SUGCT: variants seen among roughly 807,000 people sequenced by gnomAD.
The protein encoded by SUGCT is succinyl-CoA:glutarate CoA-transferase.
SUGCT carries 41 observed loss-of-function variants against 55.0 expected under a neutral mutation model. That is an observed-to-expected ratio of 0.74 (90% CI 0.58 to 0.97). SUGCT has a LOEUF of 0.97. SUGCT is among the 50% of genes least tolerant of loss of function. The probability of loss-of-function intolerance (pLI) is 0.00; values close to 1 mark genes in which losing one functional copy is unlikely to be tolerated. For missense variants in SUGCT, 568 were observed against 547.8 expected (o/e 1.04, Z -0.37); for synonymous variants, 187 against 200.4 (o/e 0.93, Z 0.56).
chr7:41,033,422 C>A, the SUGCT span, among the ~76,000 whole-genome samples: 1 of 152,126 alleles, frequency 6.6e-6, no homozygotes, highest in Non-Finnish European at 1.5e-5. Flanking sequence ...CTGTCAAAAA[C>A]TACATCTGAG....
chr7:40,273,602 T>C (rs1792257290), intron 7 of SUGCT, among the ~76,000 whole-genome samples: 1 of 152,202 alleles, frequency 6.6e-6, no homozygotes, highest in African/African-American at 2.4e-5. Flanking sequence ...AAGGATTGGA[T>C]TGTCAAATCA....
At chr7:40,690,670 A>G (rs1778044668) in intron 12 of SUGCT, among the ~76,000 whole-genome samples, 1 of 151,882 alleles carries the variant, frequency 6.6e-6, no homozygotes, top group Non-Finnish European at 1.5e-5. Flanking sequence ...CTCGGCTCAG[A>G]TGATCTTCCC....
intron 9 of SUGCT, among the ~76,000 whole-genome samples, chr7:40,339,368 C>A (rs4538778): frequency 0.58 from 88,437 of 151,896 alleles, 25,886 homozygotes; most frequent in South Asian, 0.65. Context: ...GGCAGGCAGG[C>A]CTCCTTGAGC....
chr7:40,742,833 A>C (rs1468116726), intron 12 of SUGCT, among the ~76,000 whole-genome samples: 2 of 152,192 alleles, frequency 1.3e-5, no homozygotes, highest in Non-Finnish European at 2.9e-5. Context: ...CAGTTATGTA[A>C]CCTTTCAAAT....
At chr7:40,990,817 C>T in the SUGCT span, among the ~76,000 whole-genome samples, 1 of 152,186 alleles carries the variant, frequency 6.6e-6, no homozygotes, top group Admixed American at 6.5e-5. Flanking sequence ...ATTATCCAAC[C>T]TGTGCTAGCT....
At chr7:40,169,106 A>G (rs1209637072) in intron 1 of SUGCT, among the ~76,000 whole-genome samples, 1 of 152,170 alleles carries the variant, frequency 6.6e-6, no homozygotes, top group African/African-American at 2.4e-5. Context: ...ATGGAGGACT[A>G]GGTAAGCACA....
chr7:40,528,324 G>A (rs1562839260), intron 12 of SUGCT, among the ~76,000 whole-genome samples: 1 of 152,144 alleles, frequency 6.6e-6, no homozygotes, highest in Admixed American at 6.6e-5. Context: ...TGTTTAGGAT[G>A]CCCTTTGGGA....
Position 40,738,306 on chromosome 7 carries a change from A to T in SUGCT, c.1090-11128A>T, listed in dbSNP as rs77811342. Among the ~76,000 whole-genome samples the T allele has an allele frequency of 9.3e-3, 1,409 of 152,066 alleles. 17 individuals carry two copies. The highest frequency in any genetic ancestry group is 0.032 in the African/African-American group (1,324 of 41,506). ...CAATCTCAAACACAGCAAGATGGGA[A>T]TTTTTTTATAGGGGGCCAAAAATAG... On this transcript the variant is annotated intron_variant, in intron 12 of 13. Coordinates refer to ENST00000335693, the MANE Select transcript of SUGCT (RefSeq NM_001193313.2).
chr7:40,208,924 A>G (rs1181301932), intron 6 of SUGCT, among the ~76,000 whole-genome samples: 1 of 152,254 alleles, frequency 6.6e-6, no homozygotes, highest in East Asian at 1.9e-4. Flanking sequence ...TTAGTACAGT[A>G]TAGGATACAT....
chr7:40,960,497 C>A, the SUGCT span, among the ~76,000 whole-genome samples: 8 of 152,234 alleles, frequency 5.3e-5, no homozygotes, highest in African/African-American at 1.9e-4. Flanking sequence ...TGTTTGAAAC[C>A]AGACAAAATC....
chr7:40,158,855 A>C (rs1324179249), intron 1 of SUGCT, among the ~76,000 whole-genome samples: 1 of 152,252 alleles, frequency 6.6e-6, no homozygotes, highest in African/African-American at 2.4e-5. Context: ...TGATGGATAC[A>C]TTTTGCAAAA....
At chr7:40,797,428 C>G (rs2128748721) in intron 13 of SUGCT, among the ~76,000 whole-genome samples, 1 of 152,248 alleles carries the variant, frequency 6.6e-6, no homozygotes, top group Non-Finnish European at 1.5e-5. Flanking sequence ...CGTTCCTTCT[C>G]TTGTATTCAC....
intron 12 of SUGCT, among the ~76,000 whole-genome samples, chr7:40,677,593 A>G (rs767513233): frequency 3.3e-5 from 5 of 152,202 alleles, no homozygotes; most frequent in Admixed American, 6.5e-5. Flanking sequence ...CTTTTATAAG[A>G]CAGCTTCCTC....
chr7:40,328,959 C>T lies in SUGCT; in HGVS notation c.816+12104C>T, dbSNP rs73688026. Among the ~76,000 whole-genome samples, 229 of 152,296 alleles carry T rather than the reference C, an allele frequency of 1.5e-3. 1 individual carries two copies. The highest frequency in any genetic ancestry group is 5.3e-3 in the African/African-American group (221 of 41,548). ...TTGAAGGGACACGCACATTACCTCG[C>T]AGCTAAGAGTCTAGCCTGGTGGCTC... On this transcript the variant is annotated intron_variant, in intron 9 of 13. Coordinates refer to ENST00000335693, the MANE Select transcript of SUGCT (RefSeq NM_001193313.2).
intron 9 of SUGCT, among the ~76,000 whole-genome samples, chr7:40,431,141 T>G (rs1409388351): frequency 6.8e-6 from 1 of 147,394 alleles, no homozygotes; most frequent in African/African-American, 2.5e-5. Flanking sequence ...AAAAAAAAAG[T>G]TAATGGCCTG....
chr7:40,459,051 G>C (rs989307931), intron 10 of SUGCT, 50 bp from the exon 11 acceptor site: 1 of 1,229,852 alleles, frequency 8.1e-7, no homozygotes, highest in African/African-American at 1.5e-5. Flanking sequence ...CCACAGGCAG[G>C]TACAAGAACT....
At chr7:40,557,610 TAA>T in intron 12 of SUGCT, among the ~76,000 whole-genome samples, 1 of 151,822 alleles carries the variant, frequency 6.6e-6, no homozygotes, top group Non-Finnish European at 1.5e-5. Flanking sequence ...CCATTTCTAC[TAA>T]AAATACAAAA....
At chr7:40,448,450 T>G (rs918346616) in intron 9 of SUGCT, among the ~76,000 whole-genome samples, 34 of 152,162 alleles carry the variant, frequency 2.2e-4, no homozygotes, top group Admixed American at 2.0e-3. Context: ...TGGATTTCCT[T>G]TATTTTTTTG....
intron 13 of SUGCT, among the ~76,000 whole-genome samples, chr7:40,854,686 ATTC>A (rs1407806737): frequency 1.3e-5 from 2 of 151,874 alleles, no homozygotes; most frequent in Non-Finnish European, 2.9e-5. Context: ...ATGCTCCTGT[ATTC>A]TTAGCTACTT....
Sources: allele counts gnomAD v4.1 joint callset (sites outside exome capture counted in the v4.1 genomes callset), GRCh38; gene constraint gnomAD v4.1.1; transcripts MANE v1.5; gene names NCBI Gene and HGNC (gene_info 2026-07-23, HGNC 2026-07-21).